The following MYOCD variants were observed in gnomAD, a reference collection of about 807,000 sequenced individuals.
MYOCD encodes myocardin.
Under a neutral mutation model 96.1 loss-of-function variants are expected in MYOCD, and 32 were observed. The ratio of observed to expected loss-of-function variants is 0.33; its 90% confidence interval spans 0.25 to 0.45. The LOEUF is 0.45. Among genes scored for constraint, MYOCD ranks in the 20% least tolerant of loss-of-function variants. The pLI, the probability that MYOCD is intolerant of heterozygous loss-of-function variation, is 1.00. For synonymous variants in MYOCD, 469 were observed against 469.0 expected (o/e 1.00, Z 0.00); for missense variants, 1,133 against 1,200.6 (o/e 0.94, Z 0.83).
At chr17:12,693,266 G>A (rs1414641186) in intron 1 of MYOCD, among the ~76,000 whole-genome samples, 1 of 151,998 alleles carries the variant, frequency 6.6e-6, no homozygotes, top group Non-Finnish European at 1.5e-5. Flanking sequence ...AAAATCCAGG[G>A]TGGAGCTGTC....
chr17:12,689,016 T>C (rs2030307299), intron 1 of MYOCD, among the ~76,000 whole-genome samples: 1 of 152,208 alleles, frequency 6.6e-6, no homozygotes, highest in Non-Finnish European at 1.5e-5. Flanking sequence ...AACACGTTGT[T>C]CTTAAAATTA....
In MYOCD at chr17:12,698,805, T is replaced by C. The variant is rs916896121; in HGVS notation, c.56-6323T>C. On this transcript the variant is annotated intron_variant, in intron 1 of 13. Transcript: ENST00000425538. ...TTGCCCAGGCTGGAGTGCAGTGGCGTGATCTCAGCTCACTGCAAGCTCCGC... is the reference window on the plus strand; with the variant it reads ...TTGCCCAGGCTGGAGTGCAGTGGCGCGATCTCAGCTCACTGCAAGCTCCGC... Among the ~76,000 whole-genome samples the C allele has an allele frequency of 9.4e-5, 12 of 127,552 alleles. No individual in the cohort carries two copies. The South Asian group carries it at 2.5e-3, about 27-fold the overall frequency. 83.7% of individuals were successfully genotyped at this position (127,552 alleles called of 152,430 possible).
chr17:12,691,884 C>G (rs576102913), intron 1 of MYOCD, among the ~76,000 whole-genome samples: 1 of 152,288 alleles, frequency 6.6e-6, no homozygotes, highest in South Asian at 2.1e-4. Flanking sequence ...ATAATACACA[C>G]TCCTCAAGGA....
intron 7 of MYOCD, among the ~76,000 whole-genome samples, chr17:12,743,223 G>C (rs1387298855): frequency 6.6e-6 from 1 of 152,028 alleles, no homozygotes; most frequent in African/African-American, 2.4e-5. Flanking sequence ...TTCCAGTTAG[G>C]TGGATAACCC....
intron 8 of MYOCD, 83 bp from the exon 9 acceptor site, chr17:12,745,836 A>C (rs1362206233): frequency 3.4e-6 from 5 of 1,449,368 alleles, no homozygotes; most frequent in East Asian, 4.5e-5. Flanking sequence ...CCTTGCAGGC[A>C]ATCACTTTGG....
intron 1 of MYOCD, among the ~76,000 whole-genome samples, chr17:12,704,563 C>G (rs1461614995): frequency 6.6e-6 from 1 of 152,150 alleles, no homozygotes; most frequent in African/African-American, 2.4e-5. Flanking sequence ...TCTCATAATA[C>G]TACCACTTAT....
intron 10 of MYOCD, 151 bp downstream of exon 10, chr17:12,753,497 C>G: frequency 1.4e-6 from 1 of 708,246 alleles, no homozygotes; most frequent in South Asian, 2.1e-5. Context: ...ATCCTTGAAT[C>G]CTCATGGTAG....
chr17:12,676,258 C>T (rs1156641788), intron 1 of MYOCD, among the ~76,000 whole-genome samples: 2 of 115,330 alleles, frequency 1.7e-5, no homozygotes, highest in African/African-American at 1.1e-4. Flanking sequence ...CACACACACA[C>T]ACACACACAC....
In MYOCD at chr17:12,746,019, G is replaced by A. The variant is rs766938453; in HGVS notation, c.1072G>A (p.Gly358Ser). The change falls in exon 9 of 14, where the codon GGT (glycine) becomes AGT (serine). Residue 358 changes from glycine to serine, a missense_variant. Gly to Ser is a moderately conservative substitution (Grantham distance 56, BLOSUM62 0). Coordinates refer to ENST00000425538, the MANE Select transcript of MYOCD (RefSeq NM_001146312.3). Reference protein sequence around the residue: ...PVKNSFSGQTGVSSFKPGPLP... With the variant: ...PVKNSFSGQTSVSSFKPGPLP... ...CAAAAACAGTTTTTCTGGACAAACT[G>A]GTGTCTCTTCTTTCAAACCAGGCCC... 2 of 1,614,144 alleles carry A rather than the reference G, an allele frequency of 1.2e-6. No individual in the cohort carries two copies. Among genetic ancestry groups the A allele is most frequent in the Non-Finnish European group, 1.7e-6 (2 of 1,180,020 alleles).
At chr17:12,733,761 G>C (rs1299374050) in intron 5 of MYOCD, among the ~76,000 whole-genome samples, 1 of 152,010 alleles carries the variant, frequency 6.6e-6, no homozygotes, top group Admixed American at 6.6e-5. Flanking sequence ...CAGCTACTTG[G>C]GAGGCTGAGG....
intron 5 of MYOCD, among the ~76,000 whole-genome samples, chr17:12,724,572 C>T (rs562010081): frequency 6.6e-6 from 1 of 152,146 alleles, no homozygotes; most frequent in East Asian, 1.9e-4. Flanking sequence ...ATAGTCAAAT[C>T]CGCTCATCTT....
At chr17:12,744,504 C>T (rs2032607193) in intron 8 of MYOCD, 68 bp downstream of exon 8, 2 of 1,520,010 alleles carry the variant, frequency 1.3e-6, no homozygotes, top group Non-Finnish European at 1.8e-6. Context: ...TAATATCTAT[C>T]TGCCAGCACC....
chr17:12,674,043 G>A (rs1264255512), intron 1 of MYOCD, among the ~76,000 whole-genome samples: 1 of 152,154 alleles, frequency 6.6e-6, no homozygotes, highest in Non-Finnish European at 1.5e-5. Flanking sequence ...GAAGAGAAGA[G>A]GACTAGGAGT....
At position 12,764,500 on chromosome 17, in the gene MYOCD, C is replaced by T. The variant is rs1193836819; in HGVS notation, c.*856C>T. 1.3e-5 allele frequency: 2 copies of T among 152,252 alleles called. No individual in the cohort carries two copies. Among genetic ancestry groups the T allele is most frequent in the Non-Finnish European group, 2.9e-5 (2 of 68,084 alleles). 9.4% of individuals were successfully genotyped at this position (152,252 alleles called of 1,614,324 possible). A position where few individuals can be genotyped will look rare whatever the true frequency, so the allele number is the denominator to read the frequency against. ...TAGTTCCAAAGACTAGAGATGACCA[C>T]ATTGGTAGAAGTATATCTCGAGGCA... On this transcript the variant is annotated 3_prime_UTR_variant, in exon 14 of 14. Coordinates refer to ENST00000425538, the MANE Select transcript of MYOCD (RefSeq NM_001146312.3).
At chr17:12,692,970 G>A (rs968237232) in intron 1 of MYOCD, among the ~76,000 whole-genome samples, 3 of 152,138 alleles carry the variant, frequency 2.0e-5, no homozygotes, top group African/African-American at 4.8e-5. Flanking sequence ...CGCAGCTCCC[G>A]TGTTGTGCAG....
At chr17:12,761,000 T>C (rs993321624) in intron 13 of MYOCD, 8 of 166,314 alleles carry the variant, frequency 4.8e-5, no homozygotes, top group Admixed American at 2.2e-4. Flanking sequence ...GCTGCACTTC[T>C]TCTTTCTATG....
rs370126749 is a variant in MYOCD, at chr17:12,715,507, T to C, written c.122-12T>C. The stretch of plus-strand genomic sequence containing the variant: ...CCCAGCCTCCACTCACGTTTTTGTG[T>C]TTCTGTTTCAGCACTGAAACGTCCA... On this transcript the variant is annotated splice_polypyrimidine_tract_variant and intron_variant, in intron 2 of 13. Transcript: ENST00000425538. The C allele has an allele frequency of 6.2e-7, 1 of 1,612,866 alleles. No homozygotes were observed. The highest frequency in any genetic ancestry group is 8.5e-7 in the Non-Finnish European group (1 of 1,179,324).
chr17:12,734,504 C>CTT (rs3050319), intron 5 of MYOCD, among the ~76,000 whole-genome samples: 1,660 of 65,402 alleles, frequency 0.025, 244 homozygotes, highest in African/African-American at 0.095. Context: ...ACACATGATC[C>CTT]TTTTTTTTTT....
At chr17:12,758,023 C>CT in intron 11 of MYOCD, 62 bp from the exon 12 acceptor site, 3 of 1,317,882 alleles carry the variant, frequency 2.3e-6, no homozygotes, top group Non-Finnish European at 3.3e-6. Context: ...GTTTCTAGAA[C>CT]AGAAACAACA....
Sources: gnomAD v4.1 joint callset for allele counts (sites outside exome capture counted in the v4.1 genomes callset) on GRCh38, gnomAD v4.1.1 for gene constraint, MANE v1.5 for transcripts, NCBI Gene and HGNC (gene_info 2026-07-23, HGNC 2026-07-21) for gene names.